Variants in ABCA13 observed in about 807,000 individuals in gnomAD.
ABCA13 encodes ATP binding cassette subfamily A member 13, also known as ATP-binding cassette sub-family A member 13.
Under a neutral mutation model 478.7 loss-of-function variants are expected in ABCA13, and 476 were observed. The observed-to-expected ratio is 0.99, with a 90% CI of 0.92 to 1.07. The LOEUF (loss-of-function observed/expected upper bound fraction) is 1.07, where lower values mean the gene tolerates loss of function less well. ABCA13 is among the 50% of genes least tolerant of loss of function. The pLI is 0.00. For synonymous variants in ABCA13, 2,252 were observed against 2,158.9 expected (o/e 1.04, Z -1.20); for missense variants, 6,060 against 5,910.6 (o/e 1.03, Z -0.83).
In ABCA13 at chr7:48,278,518, T is replaced by G. The variant is rs1185943560; in HGVS notation, c.7324T>G (p.Tyr2442Asp). 1 of 1,613,954 alleles carries G rather than the reference T, an allele frequency of 6.2e-7. No homozygotes were observed. Among genetic ancestry groups the G allele is most frequent in the Admixed American group, 1.7e-5 (1 of 60,018 alleles). Residue 2442 changes from tyrosine (Y) to aspartate (D), a missense_variant, in exon 18 of 62, where the codon TAT (tyrosine) becomes GAT (aspartate). Coordinates refer to ENST00000435803, the MANE Select transcript of ABCA13 (RefSeq NM_152701.5). ...TCCTAATAAGGACTTCTATGCTTTG[T>G]ATCCTACCCTCCAAGAAGTTATACT... ...HSPNKDFYAL[Y>D]PTLQEVILAN...
In ABCA13 at chr7:48,480,143, C is replaced by T. The variant is rs78671498; in HGVS notation, c.12976-893C>T. Among the ~76,000 whole-genome samples, 1,522 of 152,308 alleles carry T rather than the reference C, an allele frequency of 1.0e-2. 9 individuals carry two copies. The highest frequency in any genetic ancestry group is 0.037 in the Middle Eastern group (11 of 294). On this transcript the variant is annotated intron_variant, in intron 45 of 61. Coordinates refer to ENST00000435803, the MANE Select transcript of ABCA13 (RefSeq NM_152701.5). Reference sequence around the variant, plus strand: ...ATCTCTGAGTTCAGAAAATGAGACTCCAGACGTCTTATCCATCATGATTGC... The same window carrying T: ...ATCTCTGAGTTCAGAAAATGAGACTTCAGACGTCTTATCCATCATGATTGC...
intron 55 of ABCA13, among the ~76,000 whole-genome samples, chr7:48,529,525 A>G (rs2131039732): frequency 6.6e-6 from 1 of 152,116 alleles, no homozygotes. Flanking sequence ...TTGAGATGCG[A>G]CCTCCAGCTT....
chr7:48,576,986 C>CA (rs1392815890), intron 55 of ABCA13, among the ~76,000 whole-genome samples: 9 of 152,106 alleles, frequency 5.9e-5, no homozygotes, highest in Non-Finnish European at 2.9e-5. Flanking sequence ...GGGTAACACA[C>CA]ACGTTAAAGG....
chr7:48,256,636 C>A (rs1422936609), intron 15 of ABCA13, among the ~76,000 whole-genome samples: 1 of 151,846 alleles, frequency 6.6e-6, no homozygotes, highest in African/African-American at 2.4e-5. Context: ...GGGCTCTGGG[C>A]TGTCTATTCT....
chr7:48,502,222 C>T (rs1014413731), intron 48 of ABCA13, among the ~76,000 whole-genome samples: 14 of 152,080 alleles, frequency 9.2e-5, no homozygotes, highest in Admixed American at 6.5e-4. Context: ...ATTTCACCAG[C>T]GAGATGGGAG....
chr7:48,265,505 A>G (rs1794754913), intron 15 of ABCA13, among the ~76,000 whole-genome samples: 1 of 151,366 alleles, frequency 6.6e-6, no homozygotes, highest in South Asian at 2.1e-4. Flanking sequence ...CTTTTTTCAG[A>G]TTTATCCCTA....
At chr7:48,625,040 T>C (rs1443089907) in intron 59 of ABCA13, among the ~76,000 whole-genome samples, 2 of 152,238 alleles carry the variant, frequency 1.3e-5, no homozygotes, top group Non-Finnish European at 2.9e-5. Flanking sequence ...AGATGTGTTA[T>C]ATAGCCATCT....
chr7:48,562,433 A>G (rs1292638662), intron 55 of ABCA13, among the ~76,000 whole-genome samples: 1 of 151,976 alleles, frequency 6.6e-6, no homozygotes, highest in Non-Finnish European at 1.5e-5. Flanking sequence ...ATGGGCAAAA[A>G]CTCTTCTTTT....
At chr7:48,237,876 G>A (rs1039774842) in intron 8 of ABCA13, among the ~76,000 whole-genome samples, 3 of 152,228 alleles carry the variant, frequency 2.0e-5, no homozygotes, top group Admixed American at 2.0e-4. Flanking sequence ...TAGGCTGTGA[G>A]CATCTGAGTG....
chr7:48,240,931 T>A lies in ABCA13; in HGVS notation c.1127T>A (p.Leu376Gln). The change falls in exon 10 of 62, where the codon CTG becomes CAG. Residue 376 changes from leucine to glutamine, a missense_variant. Physicochemically the swap from Leu to Gln is moderately radical, Grantham distance 113. Around this residue, in one of 3 missense-constraint regions of ABCA13, gnomAD observed 4,423 missense variants for 4,309.1 expected, o/e 1.03. Transcript: ENST00000435803. ...ACACTCACAGGCATGGGCCATAGTC[T>A]GGAGGCTCTCAGGAATCAGTTTGAA... Reference protein sequence around the residue: ...QKTLTGMGHSLEALRNQFEEE... With the variant: ...QKTLTGMGHSQEALRNQFEEE... 6.2e-7 allele frequency: 1 copy of A among 1,613,424 alleles called. No individual in the cohort carries two copies. Among genetic ancestry groups the A allele is most frequent in the East Asian group, 2.2e-5 (1 of 44,870 alleles).
intron 27 of ABCA13, 77 bp from the exon 28 acceptor site, chr7:48,335,345 A>G (rs1297676850): frequency 1.8e-6 from 2 of 1,097,414 alleles, no homozygotes; most frequent in South Asian, 1.6e-5. Context: ...GCCACATCAT[A>G]TACAGTCCTT....
intron 46 of ABCA13, among the ~76,000 whole-genome samples, chr7:48,481,671 A>G (rs1828783507): frequency 2.4e-5 from 2 of 84,782 alleles, no homozygotes; most frequent in South Asian, 8.5e-4. Flanking sequence ...ACACCTGGCT[A>G]ATTTTTTTGT....
chr7:48,610,600 AG>A (rs1236322593), intron 58 of ABCA13, among the ~76,000 whole-genome samples: 1 of 152,178 alleles, frequency 6.6e-6, no homozygotes, highest in African/African-American at 2.4e-5. Context: ...GCCCTAGTAG[AG>A]GTTTTCCACG....
At chr7:48,234,227 G>C in intron 8 of ABCA13, 76 bp downstream of exon 8, 1 of 1,606,496 alleles carries the variant, frequency 6.2e-7, no homozygotes, top group Non-Finnish European at 8.5e-7. Context: ...GCTGGGGCAG[G>C]GTGAGCGGGT....
chr7:48,277,266 G>A (rs778028086), intron 17 of ABCA13, among the ~76,000 whole-genome samples: 3 of 152,172 alleles, frequency 2.0e-5, no homozygotes, highest in Non-Finnish European at 2.9e-5. Flanking sequence ...AGGCAGGGGC[G>A]CTGCGGGCAT....
At chr7:48,289,296 G>A (rs1798181081) in intron 20 of ABCA13, among the ~76,000 whole-genome samples, 1 of 151,306 alleles carries the variant, frequency 6.6e-6, no homozygotes, top group South Asian at 2.1e-4. Flanking sequence ...CTTATTTCCA[G>A]GTTGTGCAGA....
At chr7:48,428,865 G>C (rs1053418763) in intron 42 of ABCA13, among the ~76,000 whole-genome samples, 1 of 152,154 alleles carries the variant, frequency 6.6e-6, no homozygotes, top group Non-Finnish European at 1.5e-5. Context: ...CTTCTTCAGA[G>C]TTCTGCATTC....
chr7:48,289,292 T>A (rs1429054652), intron 20 of ABCA13, among the ~76,000 whole-genome samples: 2 of 151,636 alleles, frequency 1.3e-5, no homozygotes, highest in Non-Finnish European at 2.9e-5. Flanking sequence ...AATTCTTATT[T>A]CCAGGTTGTG....
At chr7:48,397,630 C>T (rs192536845) in intron 38 of ABCA13, among the ~76,000 whole-genome samples, 8 of 152,224 alleles carry the variant, frequency 5.3e-5, no homozygotes, top group Admixed American at 4.6e-4. Flanking sequence ...AGAAATGCAC[C>T]ACTGCATTGC....
Sources: gnomAD v4.1 joint callset for allele counts (sites outside exome capture counted in the v4.1 genomes callset) on GRCh38, gnomAD v4.1.1 for gene constraint, gnomAD v4.1.1 regional missense constraint, MANE v1.5 for transcripts, NCBI Gene and HGNC (gene_info 2026-07-23, HGNC 2026-07-21) for gene names.